ERI2: variants seen among roughly 807,000 people sequenced by gnomAD.
The protein encoded by ERI2 is ERI1 exoribonuclease 2.
In ERI2, 35 loss-of-function variants were observed where a neutral mutation model predicts 46.8. The ratio of observed to expected loss-of-function variants is 0.75; its 90% CI spans 0.57 to 0.99. The LOEUF is 0.99. ERI2 is among the 50% of genes least tolerant of loss of function. The probability of loss-of-function intolerance (pLI) is 0.00; values close to 1 mark genes in which losing one functional copy is unlikely to be tolerated. For synonymous variants in ERI2, 224 were observed against 271.0 expected, an observed-to-expected ratio of 0.83 and a Z score of 1.70; for missense variants, 695 against 796.2, an observed-to-expected ratio of 0.87 and a Z score of 1.53.
In ERI2 at chr16:20,798,728, T is replaced by G. The variant is rs780138649; in HGVS notation, c.1072A>C (p.Lys358Gln). 1.9e-6 allele frequency: 3 copies of G among 1,551,656 alleles called. No homozygotes were observed. The South Asian group carries it at 3.6e-5, about 18-fold the overall frequency. The change falls in exon 9 of 9, where the codon AAA becomes CAA. Residue 358 changes from lysine (K) to glutamine (Q), a missense_variant. Coordinates refer to ENST00000357967, the MANE Select transcript of ERI2 (RefSeq NM_001142725.2). ...GTATTAAATGCAAGATGTTCATTTT[T>G]TCCTTGCTTTTGCATATAGATAGGT... Reference protein sequence around the residue: ...NSPIYMQKQGKNEHLAFNTKS... With the variant: ...NSPIYMQKQGQNEHLAFNTKS...
In ERI2 at chr16:20,790,645, A is replaced by C; in HGVS notation, c.815+205T>G. 1 of 1,614,168 alleles carries C rather than the reference A, an allele frequency of 6.2e-7. No individual in the cohort carries two copies. On this transcript the variant is annotated intron_variant, in intron 9 of 10. Coordinates refer to the ERI2 transcript ENST00000300005. This position sits in a 1 kb window ranked among gnomAD's most constrained non-coding sequence, Gnocchi z 4.0. ...GGACAAGAAGGAGATATTGGCATTC[A>C]AGTTCTACCCAACCGACCATTTGGC...
rs762435324 is a variant in ERI2, at chr16:20,798,533, C to T, written c.1267G>A (p.Val423Ile). Residue 423 changes from valine to isoleucine, a missense_variant, in exon 9 of 9, where the codon GTA (valine) becomes ATA (isoleucine). Transcript: ENST00000357967. ...TCACTAATGGGAACTGTACAGTCTA[C>T]GTTTTCCTCAGGCTGAGATGCTGGC... The part of the protein sequence containing the change: ...LLPASQPEEN[V>I]DCTVPISDSD... 119 of 1,551,478 alleles carry T rather than the reference C, an allele frequency of 7.7e-5. No individual in the cohort carries two copies. Among genetic ancestry groups the T allele is most frequent in the Non-Finnish European group, 1.0e-4 (116 of 1,146,902 alleles).
downstream of ERI2, chr16:20,792,095 G>C: frequency 6.2e-6 from 10 of 1,614,162 alleles, no homozygotes; most frequent in Non-Finnish European, 8.5e-6. Context: ...TTTCTGGTTT[G>C]TTGCAAGAGC....
chr16:20,793,590 C>A (rs1200411866), downstream of ERI2, among the ~76,000 whole-genome samples: 6 of 152,228 alleles, frequency 3.9e-5, no homozygotes, highest in African/African-American at 1.4e-4. Flanking sequence ...CCAGAAGATA[C>A]CCTGTTAAGT....
rs757974763 is a variant in ERI2, at chr16:20,798,790, G to A, written c.1010C>T (p.Thr337Ile). The stretch of plus-strand genomic sequence containing the variant: ...AGGAGACTGCAACTGCCCCACAGAA[G>A]TAGAGGACTTAGTATTAAAAAGAGG... ...SLPLFNTKSS[T>I]SVGQLQSPTL... The change falls in exon 9 of 9, where the codon ACT becomes ATT. Residue 337 changes from threonine (T) to isoleucine (I), a missense_variant. Physicochemically the swap from Thr to Ile is moderately conservative, Grantham distance 89. Transcript: ENST00000357967. 19 of 1,551,624 alleles carry A rather than the reference G, an allele frequency of 1.2e-5. No individual in the cohort carries two copies. Among genetic ancestry groups the A allele is most frequent in the Non-Finnish European group, 1.7e-5 (19 of 1,146,912 alleles).
At position 20,798,644 on chromosome 16, in the gene ERI2, T is replaced by G. The variant is rs368495024; in HGVS notation, c.1156A>C (p.Thr386Pro). The change falls in exon 9 of 9, where the codon ACT (threonine) becomes CCT (proline). Residue 386 changes from threonine (T) to proline (P), a missense_variant. Physicochemically the swap from Thr to Pro is conservative, Grantham distance 38 (BLOSUM62 -1). Transcript: ENST00000357967. Reference sequence around the variant, plus strand: ...TCCAAATCAGAAACATGATGAACAGTTGGAACGGTGGTAGAAACAAGTACC... The same window carrying G: ...TCCAAATCAGAAACATGATGAACAGGTGGAACGGTGGTAGAAACAAGTACC... Reference protein sequence around the residue: ...ELVLVSTTVPTVHHVSDLEMS... With the variant: ...ELVLVSTTVPPVHHVSDLEMS... 21 of 1,551,478 alleles carry G rather than the reference T, an allele frequency of 1.4e-5. No homozygotes were observed. The South Asian group carries it at 2.0e-4, about 15-fold the overall frequency.
chr16:20,800,364 T>C lies in ERI2; in HGVS notation c.499A>G (p.Arg167Gly). The C allele has an allele frequency of 6.2e-7, 1 of 1,610,692 alleles. No individual in the cohort carries two copies. Among genetic ancestry groups the C allele is most frequent in the South Asian group, 1.1e-5 (1 of 90,628 alleles). Residue 167 changes from arginine (R) to glycine (G), a missense_variant, in exon 6 of 9, where the codon AGA (arginine) becomes GGA (glycine). Arg to Gly is a moderately radical substitution (Grantham distance 125). Transcript: ENST00000357967. Reference protein sequence around the residue: ...LGVCLEYECKRKQLLKPVFLN... With the variant: ...LGVCLEYECKGKQLLKPVFLN... Reference sequence around the variant, plus strand: ...AACACAGGTTTTAACAGCTGCTTTCTTTTACACTCATACTCCAGGCAAACC... The same window carrying C: ...AACACAGGTTTTAACAGCTGCTTTCCTTTACACTCATACTCCAGGCAAACC...
intron 10 of ERI2, chr16:20,789,383 T>A (rs1478844407): frequency 1.1e-6 from 1 of 871,380 alleles, no homozygotes; most frequent in Non-Finnish European, 1.9e-6. Context: ...ACTTAGCATG[T>A]ATTAAGTACT....
chr16:20,792,804 T>A, downstream of ERI2: 3 of 716,622 alleles, frequency 4.2e-6, no homozygotes, highest in Non-Finnish European at 3.4e-6. Flanking sequence ...GGTAAATAAG[T>A]AGAGATTTCA....
rs994970431 is a variant in ERI2 at position 20,802,735 on chromosome 16, G to T, written c.303+61C>A. 4.5e-6 allele frequency: 7 copies of T among 1,539,246 alleles called. 1 individual carries two copies. The highest frequency in any genetic ancestry group is 3.7e-5 in the Admixed American group (2 of 54,434). ...CACTAAATAAATCTAATTTCAAATG[G>T]TATAATAACTTTTATTTTCTTTTTG... On this transcript the variant is annotated intron_variant, in intron 4 of 8. Transcript: ENST00000357967.
downstream of ERI2, chr16:20,792,005 A>C (rs368872178): frequency 1.4e-5 from 23 of 1,613,880 alleles, no homozygotes; most frequent in African/African-American, 4.0e-5. Context: ...TTTGCAGGAT[A>C]ATCCTTCAAA....
chr16:20,790,805 G>T lies in ERI2; in HGVS notation c.815+45C>A. ...TACTTGACCCTTTCTTGAGAGATTG[G>T]TTGTCCTGAATAGTAATCCAAAAGA... On this transcript the variant is annotated intron_variant, in intron 9 of 10. Transcript: ENST00000300005. The surrounding 1 kb of genome is among the most constrained non-coding windows in gnomAD (Gnocchi z 4.0). 6.2e-7 allele frequency: 1 copy of T among 1,613,470 alleles called. No individual in the cohort carries two copies. The highest frequency in any genetic ancestry group is 8.5e-7 in the Non-Finnish European group (1 of 1,179,678).
chr16:20,796,341 T>C lies in ERI2; in HGVS notation c.*1383A>G. 6.2e-7 allele frequency: 1 copy of C among 1,600,382 alleles called. No homozygotes were observed. The highest frequency in any genetic ancestry group is 2.2e-5 in the East Asian group (1 of 44,774). On this transcript the variant is annotated 3_prime_UTR_variant, in exon 9 of 9. Coordinates refer to ENST00000357967, the MANE Select transcript of ERI2 (RefSeq NM_001142725.2). ...TAAAACATACAAATGCATAACTCATTTTCCTGGTGTTTCAAATATTTATTT... is the reference window on the plus strand; with the variant it reads ...TAAAACATACAAATGCATAACTCATCTTCCTGGTGTTTCAAATATTTATTT...
intron 10 of ERI2, among the ~76,000 whole-genome samples, chr16:20,789,038 A>G (rs915018220): frequency 2.0e-5 from 3 of 152,244 alleles, no homozygotes; most frequent in African/African-American, 7.2e-5. Flanking sequence ...TCTGGAGAAT[A>G]TATATAAAAG....
chr16:20,784,200 T>C (rs1460832769), intron 10 of ERI2, among the ~76,000 whole-genome samples: 3 of 152,202 alleles, frequency 2.0e-5, no homozygotes, highest in Non-Finnish European at 4.4e-5. Flanking sequence ...GGCACTGTGT[T>C]GTGCAATATG....
intron 10 of ERI2, chr16:20,789,366 A>G: frequency 1.3e-6 from 1 of 789,142 alleles, no homozygotes; most frequent in Non-Finnish European, 2.2e-6. Context: ...AAGGTTTAGC[A>G]TTAATTACTT....
downstream of ERI2, among the ~76,000 whole-genome samples, chr16:20,793,720 G>A (rs538569156): frequency 6.6e-6 from 1 of 152,326 alleles, no homozygotes; most frequent in South Asian, 2.1e-4. Flanking sequence ...AGGCAGCTGA[G>A]GGCAGGGAAA....
chr16:20,803,298 AT>A (rs1384734864), intron 3 of ERI2, 134 bp downstream of exon 3: 16 of 1,020,826 alleles, frequency 1.6e-5, no homozygotes, highest in Non-Finnish European at 2.2e-5. Flanking sequence ...GCTCTTTTTT[AT>A]TCAACATAAG....
chr16:20,791,438 G>A (rs543834138), downstream of ERI2, among the ~76,000 whole-genome samples: 3 of 152,294 alleles, frequency 2.0e-5, no homozygotes, highest in Admixed American at 2.0e-4. Context: ...CTGAGCTACT[G>A]CAATATTTAT....
Sources: allele counts gnomAD v4.1 joint callset (sites outside exome capture counted in the v4.1 genomes callset), GRCh38; gene constraint gnomAD v4.1.1; non-coding constraint Gnocchi (gnomAD v3.1); transcripts MANE v1.5; gene names NCBI Gene and HGNC (gene_info 2026-07-23, HGNC 2026-07-21).